The following FBXL13 variants were observed in gnomAD, a reference collection of about 807,000 sequenced individuals.
FBXL13 encodes the protein F-box and leucine-rich repeat protein 13.
In FBXL13, 67 loss-of-function variants were observed where a neutral mutation model predicts 83.6. The ratio of observed to expected loss-of-function variants is 0.80; its 90% confidence interval spans 0.66 to 0.98. The LOEUF is 0.98. Ranked by LOEUF, FBXL13 falls within the 50% of genes least tolerant of loss-of-function variation. The pLI is 0.00. For missense variants in FBXL13, 822 were observed against 866.5 expected (o/e 0.95, Z 0.64); for synonymous variants, 272 against 299.5 (o/e 0.91, Z 0.95).
intron 6 of FBXL13, among the ~76,000 whole-genome samples, chr7:103,019,566 CAGACGGATAGCA>C (rs1485178716): frequency 2.0e-5 from 3 of 152,024 alleles, no homozygotes; most frequent in African/African-American, 7.2e-5. Flanking sequence ...ACAAAATTGA[CAGACGGATAGCA>C]AGACTCATAA....
intron 16 of FBXL13, among the ~76,000 whole-genome samples, chr7:102,865,582 A>G (rs1230867324): frequency 6.6e-6 from 1 of 151,916 alleles, no homozygotes; most frequent in African/African-American, 2.4e-5. Context: ...TTGCTCTGTC[A>G]CCAGGCTGGA....
At chr7:102,822,307 G>A (rs1248427301) in intron 18 of FBXL13, 104 bp from the exon 20 acceptor site, 1 of 1,053,290 alleles carries the variant, frequency 9.5e-7, no homozygotes, top group African/African-American at 1.6e-5. Flanking sequence ...CACAGACTGT[G>A]GCTTAAACAT....
intron 16 of FBXL13, among the ~76,000 whole-genome samples, chr7:102,872,583 G>C (rs1808668401): frequency 6.6e-6 from 1 of 152,206 alleles, no homozygotes; most frequent in South Asian, 2.1e-4. Context: ...GGCAACTTAA[G>C]TAACAGACTG....
rs1011140208 is a variant in FBXL13 at position 102,848,759 on chromosome 7, C to G, written c.1719+6018G>C. Reference sequence around the variant, plus strand: ...CCATAATTCCAGCAGTTTGGGAGGCCAAGGCAGGTGCATCACCTGAGGTGA... The same window carrying G: ...CCATAATTCCAGCAGTTTGGGAGGCGAAGGCAGGTGCATCACCTGAGGTGA... On this transcript the variant is annotated intron_variant, in intron 17 of 19. Coordinates refer to ENST00000313221, the Ensembl canonical transcript of FBXL13. Among the ~76,000 whole-genome samples the G allele has an allele frequency of 6.6e-5, 10 of 151,996 alleles. No homozygotes were observed. In the East Asian group the frequency reaches 1.9e-3, roughly 29 times the overall value.
At chr7:102,964,564 G>A (rs887469823) in intron 7 of FBXL13, among the ~76,000 whole-genome samples, 3 of 151,432 alleles carry the variant, frequency 2.0e-5, no homozygotes, top group African/African-American at 4.9e-5. Context: ...CACCATGCCC[G>A]GCTAATTTTT....
chr7:103,038,999 A>T (rs1795374928), intron 2 of FBXL13, among the ~76,000 whole-genome samples: 2 of 152,232 alleles, frequency 1.3e-5, no homozygotes, highest in Admixed American at 1.3e-4. Context: ...TAGGCTTCAG[A>T]AGGTGGGTAA....
At chr7:102,941,949 C>A (rs1821543538) in intron 8 of FBXL13, among the ~76,000 whole-genome samples, 1 of 152,104 alleles carries the variant, frequency 6.6e-6, no homozygotes, top group Non-Finnish European at 1.5e-5. Flanking sequence ...TCACATGTTT[C>A]CCGTAACTGA....
rs537864483 is a variant in FBXL13 at position 102,965,495 on chromosome 7, G to A, written c.592-1830C>T. On this transcript the variant is annotated intron_variant, in intron 7 of 19. Transcript: ENST00000313221. ...TACATGACAAAGCACACAAAATATG[G>A]AGTACATAAATTTTAAAAAGCATGG... 2.0e-5 allele frequency among the ~76,000 whole-genome samples: 3 copies of A among 152,246 alleles called. No individual in the cohort carries two copies. The East Asian group carries it at 5.8e-4, about 29-fold the overall frequency.
intron 6 of FBXL13, among the ~76,000 whole-genome samples, chr7:103,007,722 T>C (rs1791128897): frequency 1.3e-5 from 2 of 152,150 alleles, no homozygotes; most frequent in Non-Finnish European, 2.9e-5. Flanking sequence ...CCCCTTCCGT[T>C]ACCCTTTTCC....
rs147746729 is a variant in FBXL13, at chr7:102,899,971, C to A, written c.1008+13115G>T. ...CTGAGGCAGGAGAATTGCCTGAACC[C>A]AGGAGGTGGAGGCTGCAGTGAACCG... On this transcript the variant is annotated intron_variant, in intron 11 of 19. Coordinates refer to ENST00000313221, the Ensembl canonical transcript of FBXL13. Among the ~76,000 whole-genome samples the A allele has an allele frequency of 0.014, 2,112 of 151,824 alleles. 114 individuals carry two copies. In the East Asian group the frequency reaches 0.16, roughly 12 times the overall value.
rs558863035 is a variant in FBXL13 at position 102,970,996 on chromosome 7, G to A, written c.496-2879C>T. ...ACATCTTTACAGAATTTCCAGGAGG[G>A]AATAAAGAGAATAAAATCAAAGCAA... On this transcript the variant is annotated intron_variant, in intron 6 of 19. Coordinates refer to ENST00000313221, the Ensembl canonical transcript of FBXL13. 3.3e-5 allele frequency among the ~76,000 whole-genome samples: 5 copies of A among 152,190 alleles called. 1 individual carries two copies. Among genetic ancestry groups the A allele is most frequent in the African/African-American group, 1.2e-4 (5 of 41,510 alleles).
intron 16 of FBXL13, among the ~76,000 whole-genome samples, chr7:102,869,485 C>T (rs1050102120): frequency 2.7e-5 from 4 of 148,052 alleles, no homozygotes; most frequent in Non-Finnish European, 4.5e-5. Flanking sequence ...TGATGTAATA[C>T]CATTCGTGCA....
At chr7:102,935,737 G>A (rs1251103726) in intron 8 of FBXL13, among the ~76,000 whole-genome samples, 1 of 152,096 alleles carries the variant, frequency 6.6e-6, no homozygotes, top group East Asian at 1.9e-4. Flanking sequence ...ATGTAACAAT[G>A]TCTATATGTT....
intron 2 of FBXL13, among the ~76,000 whole-genome samples, chr7:103,036,438 G>T (rs2129490439): frequency 6.6e-6 from 1 of 152,100 alleles, no homozygotes; most frequent in African/African-American, 2.4e-5. Context: ...TTTATATATA[G>T]CAGCACGGCA....
chr7:102,978,137 C>T (rs990848358), intron 6 of FBXL13, among the ~76,000 whole-genome samples: 14 of 152,080 alleles, frequency 9.2e-5, no homozygotes, highest in African/African-American at 3.4e-4. Flanking sequence ...CAATTAACTG[C>T]CAGACAATCC....
intron 1 of FBXL13, among the ~76,000 whole-genome samples, chr7:103,069,219 C>T (rs981206022): frequency 4.0e-5 from 6 of 151,786 alleles, no homozygotes; most frequent in Non-Finnish European, 2.9e-5. Context: ...AAGAGAGGAG[C>T]GCCTCTGCCC....
At chr7:102,944,528 CAG>C in intron 8 of FBXL13, 2 of 1,613,642 alleles carry the variant, frequency 1.2e-6, no homozygotes, top group Non-Finnish European at 1.7e-6. Flanking sequence ...GACCAAGACA[CAG>C]AAGATGATGA....
downstream of FBXL13, among the ~76,000 whole-genome samples, chr7:102,812,218 C>A (rs116812155): frequency 1.6e-3 from 251 of 152,220 alleles, no homozygotes; most frequent in African/African-American, 5.7e-3. Context: ...TGGTAAAAAC[C>A]CACAGATGTG....
At chr7:102,936,726 T>A (rs1820377462) in intron 8 of FBXL13, among the ~76,000 whole-genome samples, 1 of 152,192 alleles carries the variant, frequency 6.6e-6, no homozygotes, top group Non-Finnish European at 1.5e-5. Flanking sequence ...CAGGTGTAAA[T>A]GAGAAAAGTA....
Sources: gnomAD v4.1 joint callset for allele counts (sites outside exome capture counted in the v4.1 genomes callset) on GRCh38, gnomAD v4.1.1 for gene constraint, MANE v1.5 for transcripts, NCBI Gene and HGNC (gene_info 2026-07-23, HGNC 2026-07-21) for gene names.